Variants in GPC6 observed in about 807,000 individuals in gnomAD.
GPC6 encodes glypican 6, also known as glypican-6.
GPC6 carries 14 observed loss-of-function variants against 55.2 expected under a neutral mutation model. That is an observed-to-expected ratio of 0.25 (90% confidence interval 0.17 to 0.40). The LOEUF is 0.40. GPC6 is among the 10% of genes least tolerant of loss of function. GPC6 has a pLI of 1.00. For synonymous variants in GPC6, 278 were observed against 259.6 expected, an observed-to-expected ratio of 1.07 and a Z score of -0.68; for missense variants, 641 against 708.5, an observed-to-expected ratio of 0.90 and a Z score of 1.08.
At chr13:93,539,399 T>G (rs140142927) in intron 1 of GPC6, among the ~76,000 whole-genome samples, 1 of 152,144 alleles carries the variant, frequency 6.6e-6, no homozygotes, top group Non-Finnish European at 1.5e-5. Context: ...GGTTTAGTTA[T>G]AATTTATTGC....
chr13:93,381,186 A>G (rs1403026278), intron 1 of GPC6, among the ~76,000 whole-genome samples: 1 of 152,150 alleles, frequency 6.6e-6, no homozygotes, highest in Non-Finnish European at 1.5e-5. Context: ...TATATAGACA[A>G]ATAATACAGG....
chr13:93,353,197 T>A (rs74110538), intron 1 of GPC6, among the ~76,000 whole-genome samples: 1 of 152,118 alleles, frequency 6.6e-6, no homozygotes, highest in Admixed American at 6.6e-5. Flanking sequence ...AGAATTTGGT[T>A]TGAGATGCCT....
At chr13:93,385,389 T>C (rs552244723) in intron 1 of GPC6, among the ~76,000 whole-genome samples, 1 of 152,366 alleles carries the variant, frequency 6.6e-6, no homozygotes, top group Non-Finnish European at 1.5e-5. Flanking sequence ...GGGAAGCCCT[T>C]GATAGGCTTT....
chr13:93,776,091 A>G (rs1885458295), intron 2 of GPC6, among the ~76,000 whole-genome samples: 2 of 133,438 alleles, frequency 1.5e-5, no homozygotes, highest in African/African-American at 5.8e-5. Flanking sequence ...GGTGGTGTAC[A>G]TTTTTACTAA....
chr13:93,248,188 G>A (rs1009100010), intron 1 of GPC6, among the ~76,000 whole-genome samples: 6 of 152,082 alleles, frequency 3.9e-5, no homozygotes, highest in African/African-American at 1.4e-4. Context: ...AGAAATATAG[G>A]TTAGAATGAG....
chr13:93,630,039 C>T (rs1430702687), intron 2 of GPC6, among the ~76,000 whole-genome samples: 1 of 152,130 alleles, frequency 6.6e-6, no homozygotes, highest in Non-Finnish European at 1.5e-5. Flanking sequence ...ATGTAAAGCA[C>T]ACAACATTAG....
At chr13:93,706,790 A>C (rs1245480051) in intron 2 of GPC6, among the ~76,000 whole-genome samples, 1 of 151,924 alleles carries the variant, frequency 6.6e-6, no homozygotes, top group Non-Finnish European at 1.5e-5. Flanking sequence ...TTTAAAGAAA[A>C]AAAACCATGC....
intron 3 of GPC6, among the ~76,000 whole-genome samples, chr13:94,018,346 G>A (rs1344542893): frequency 6.6e-6 from 1 of 151,370 alleles, no homozygotes; most frequent in Non-Finnish European, 1.5e-5. Flanking sequence ...CTGGAGTGCA[G>A]TGGTGCGATC....
At chr13:93,698,732 G>C (rs1882563247) in intron 2 of GPC6, among the ~76,000 whole-genome samples, 1 of 151,534 alleles carries the variant, frequency 6.6e-6, no homozygotes, top group African/African-American at 2.4e-5. Flanking sequence ...ACTTACCGAT[G>C]GTTCTTGAAA....
intron 3 of GPC6, among the ~76,000 whole-genome samples, chr13:93,983,653 A>G (rs1379220401): frequency 6.6e-6 from 1 of 152,100 alleles, no homozygotes; most frequent in Admixed American, 6.6e-5. Context: ...AAAATTATAA[A>G]ACGATATACA....
intron 1 of GPC6, among the ~76,000 whole-genome samples, chr13:93,487,244 A>G (rs1879756836): frequency 6.6e-6 from 1 of 152,026 alleles, no homozygotes; most frequent in African/African-American, 2.4e-5. Flanking sequence ...TTTTATTTTA[A>G]GTTCAGGGAT....
chr13:93,753,723 C>T (rs115456936), intron 2 of GPC6, among the ~76,000 whole-genome samples: 1,893 of 152,094 alleles, frequency 0.012, 38 homozygotes, highest in African/African-American at 0.043. Context: ...CCCAACCCCT[C>T]CACCAACCAC....
intron 4 of GPC6, among the ~76,000 whole-genome samples, chr13:94,030,061 G>A (rs1400482066): frequency 6.7e-6 from 1 of 149,128 alleles, no homozygotes; most frequent in East Asian, 2.0e-4. Flanking sequence ...GGAGTGCGAT[G>A]GCACGATCTC....
intron 3 of GPC6, among the ~76,000 whole-genome samples, chr13:94,020,919 C>G (rs1241049126): frequency 4.6e-5 from 7 of 152,030 alleles, no homozygotes; most frequent in Non-Finnish European, 2.9e-5. Flanking sequence ...ATATTTAACA[C>G]AAAAGATACT....
At chr13:93,983,755 T>A (rs1199164925) in intron 3 of GPC6, among the ~76,000 whole-genome samples, 2 of 149,852 alleles carry the variant, frequency 1.3e-5, no homozygotes, top group African/African-American at 5.0e-5. Context: ...TGGATGTTTG[T>A]GGATACTGTA....
chr13:93,220,091 C>T, the GPC6 span, among the ~76,000 whole-genome samples: 1 of 152,116 alleles, frequency 6.6e-6, no homozygotes. Flanking sequence ...AAAACTAAGT[C>T]TGTCATACTG....
At chr13:94,050,628 C>G (rs773254867) in intron 4 of GPC6, among the ~76,000 whole-genome samples, 1 of 152,128 alleles carries the variant, frequency 6.6e-6, no homozygotes, top group Non-Finnish European at 1.5e-5. Context: ...ACTCAGACTT[C>G]TGGGTGACCT....
chr13:94,296,824 C>T (rs1434256223), intron 5 of GPC6, among the ~76,000 whole-genome samples: 4 of 152,036 alleles, frequency 2.6e-5, no homozygotes, highest in Non-Finnish European at 4.4e-5. Context: ...CTTATAGATA[C>T]GACTGACACA....
At chr13:94,133,752 T>A (rs927673146) in intron 4 of GPC6, among the ~76,000 whole-genome samples, 1 of 151,806 alleles carries the variant, frequency 6.6e-6, no homozygotes, top group Non-Finnish European at 1.5e-5. Context: ...GTTCAACTCA[T>A]TAAAAGAACA....
Sources: allele counts gnomAD v4.1 joint callset (sites outside exome capture counted in the v4.1 genomes callset), GRCh38; gene constraint gnomAD v4.1.1; transcripts MANE v1.5; gene names NCBI Gene and HGNC (gene_info 2026-07-23, HGNC 2026-07-21).